The following SHANK2 variants were observed in gnomAD, a reference collection of about 807,000 sequenced individuals.
SHANK2 encodes SH3 and multiple ankyrin repeat domains protein 2.
SHANK2 carries 43 observed loss-of-function variants against 133.7 expected under a neutral mutation model. The ratio of observed to expected loss-of-function variants is 0.32; its 90% CI spans 0.25 to 0.41. The LOEUF is 0.41. Among genes scored for constraint, SHANK2 ranks in the 10% least tolerant of loss-of-function variants. The pLI is 1.00. For missense variants in SHANK2, 1,994 were observed against 2,235.8 expected (o/e 0.89, Z 2.18); for synonymous variants, 1,017 against 952.8 (o/e 1.07, Z -1.24).
At chr11:71,243,988 G>T (rs568718866) in intron 1 of SHANK2, among the ~76,000 whole-genome samples, 2 of 152,274 alleles carry the variant, frequency 1.3e-5, no homozygotes, top group Non-Finnish European at 2.9e-5. Context: ...GAAAAAAATG[G>T]AAGACAATGC....
At chr11:70,547,237 A>G (rs1487032346) in intron 17 of SHANK2, among the ~76,000 whole-genome samples, 3 of 152,128 alleles carry the variant, frequency 2.0e-5, no homozygotes, top group African/African-American at 7.2e-5. Flanking sequence ...CCCTACCGCA[A>G]TAGTCCTGGA....
chr11:71,156,361 A>T (rs1555109103), intron 2 of SHANK2, among the ~76,000 whole-genome samples: 1 of 152,218 alleles, frequency 6.6e-6, no homozygotes, highest in Admixed American at 6.5e-5. Flanking sequence ...CTCTGTTACC[A>T]GCCCTGCTGG....
intron 17 of SHANK2, among the ~76,000 whole-genome samples, chr11:70,621,995 C>T (rs1482577787): frequency 2.6e-5 from 4 of 152,194 alleles, no homozygotes; most frequent in African/African-American, 7.2e-5. Flanking sequence ...CACACGGTGC[C>T]GGGAGGTTCT....
Position 70,634,731 on chromosome 11 carries a change from C to T in SHANK2, c.2061+25097G>A, listed in dbSNP as rs544556259. 4.5e-4 allele frequency: 68 copies of T among 152,350 alleles called. 1 individual carries two copies. The South Asian group carries it at 0.01, about 23-fold the overall frequency. 9.4% of individuals were successfully genotyped at this position (152,350 alleles called of 1,614,324 possible). On this transcript the variant is annotated intron_variant, in intron 17 of 25. Coordinates refer to ENST00000601538, the MANE Select transcript of SHANK2 (RefSeq NM_012309.5). Reference sequence around the variant, plus strand: ...CAAAAATTAGCCAGGTGTGATGGCACGTCCCTGTAACCCCAGTTACTCGGG... The same window carrying T: ...CAAAAATTAGCCAGGTGTGATGGCATGTCCCTGTAACCCCAGTTACTCGGG...
At chr11:71,199,426 G>A (rs11232508) in intron 2 of SHANK2, among the ~76,000 whole-genome samples, 5,705 of 152,316 alleles carry the variant, frequency 0.037, 257 homozygotes, top group Admixed American at 0.15. Flanking sequence ...GTGACCTGCC[G>A]TAGAGGCAAT....
chr11:71,231,969 C>T (rs1057370820), intron 1 of SHANK2, among the ~76,000 whole-genome samples: 2 of 152,078 alleles, frequency 1.3e-5, no homozygotes, highest in South Asian at 2.1e-4. Context: ...CTGCAAACCA[C>T]CCAGATAGCC....
In SHANK2 at chr11:70,533,056, C is replaced by T. The variant is rs145749768; in HGVS notation, c.2062-30125G>A. 5.8e-3 allele frequency among the ~76,000 whole-genome samples: 888 copies of T among 152,176 alleles called. 7 individuals are homozygous for T. The highest frequency in any genetic ancestry group is 0.02 in the African/African-American group (848 of 41,492). ...ATGTCCAGAGTAGCCAAATTCACAG[C>T]GGCGGAAAGCAGACGTTGCCGGAGG... On this transcript the variant is annotated intron_variant, in intron 17 of 25. Coordinates refer to ENST00000601538, the MANE Select transcript of SHANK2 (RefSeq NM_012309.5).
chr11:70,953,283 A>T (rs1458272193), intron 10 of SHANK2, among the ~76,000 whole-genome samples: 1 of 151,806 alleles, frequency 6.6e-6, no homozygotes, highest in Admixed American at 6.6e-5. Flanking sequence ...CTCCAGAGGG[A>T]CAGAACTGAT....
intron 10 of SHANK2, among the ~76,000 whole-genome samples, chr11:70,951,312 T>G (rs1432588454): frequency 6.6e-6 from 1 of 150,978 alleles, no homozygotes; most frequent in African/African-American, 2.4e-5. Flanking sequence ...ACATCATAAA[T>G]TCATTTCCCC....
At chr11:71,102,724 G>C (rs2135173082) in intron 6 of SHANK2, among the ~76,000 whole-genome samples, 1 of 152,334 alleles carries the variant, frequency 6.6e-6, no homozygotes, top group Admixed American at 6.5e-5. Flanking sequence ...CTCATGCCAA[G>C]AGACCCCTGT....
chr11:70,797,721 C>T (rs782611036), intron 14 of SHANK2, among the ~76,000 whole-genome samples: 2 of 152,192 alleles, frequency 1.3e-5, no homozygotes, highest in Non-Finnish European at 2.9e-5. Flanking sequence ...TCCGTGGCCA[C>T]TTGACACGTG....
chr11:70,916,376 G>A (rs971964046), intron 10 of SHANK2, among the ~76,000 whole-genome samples: 8 of 151,840 alleles, frequency 5.3e-5, no homozygotes, highest in Admixed American at 2.0e-4. Flanking sequence ...TCGCCAACCC[G>A]GCTGGCCATC....
chr11:70,854,735 G>A (rs1236653275), intron 11 of SHANK2, among the ~76,000 whole-genome samples: 2 of 152,190 alleles, frequency 1.3e-5, no homozygotes, highest in African/African-American at 2.4e-5. Context: ...TCTCAATGGG[G>A]AGCCCAGGGA....
chr11:71,165,604 C>T (rs1185819727), intron 2 of SHANK2, among the ~76,000 whole-genome samples: 2 of 152,110 alleles, frequency 1.3e-5, no homozygotes, highest in African/African-American at 2.4e-5. Flanking sequence ...AACCCTACAG[C>T]GAGATCATTC....
intron 14 of SHANK2, among the ~76,000 whole-genome samples, chr11:70,709,743 G>A (rs1433048789): frequency 1.3e-5 from 2 of 152,130 alleles, no homozygotes; most frequent in Non-Finnish European, 2.9e-5. Flanking sequence ...AGGTACGCAA[G>A]TATCATGAGA....
Position 70,903,194 on chromosome 11 carries a change from C to T in SHANK2, c.1108-6627G>A, listed in dbSNP as rs768070625. 9.7e-4 allele frequency among the ~76,000 whole-genome samples: 147 copies of T among 151,940 alleles called. 1 individual carries two copies. Among genetic ancestry groups the T allele is most frequent in the Non-Finnish European group, 3.8e-4 (26 of 67,988 alleles). The stretch of plus-strand genomic sequence containing the variant: ...GAGTTCGAGACTAGCCTTCCCAACA[C>T]GGTGAATCCCCGTCTTTACTAAAAA... On this transcript the variant is annotated intron_variant, in intron 10 of 25. Transcript: ENST00000601538.
At chr11:70,556,393 TTCTCTC>T (rs1157375439) in intron 17 of SHANK2, among the ~76,000 whole-genome samples, 6 of 11,980 alleles carry the variant, frequency 5.0e-4, no homozygotes, top group East Asian at 2.7e-3. Context: ...CTTTCTTTCT[TTCTCTC>T]TCTCTCTCTC....
At chr11:70,481,834 A>G (rs1472211066) in intron 25 of SHANK2, among the ~76,000 whole-genome samples, 2 of 152,236 alleles carry the variant, frequency 1.3e-5, no homozygotes, top group Non-Finnish European at 1.5e-5. Context: ...CAGATGATCA[A>G]ATGCCCAGGG....
chr11:70,749,266 T>C (rs1259463606), intron 14 of SHANK2, among the ~76,000 whole-genome samples: 1 of 152,198 alleles, frequency 6.6e-6, no homozygotes, highest in Non-Finnish European at 1.5e-5. Context: ...TCCCCAGTTC[T>C]GGGTGTGCAT....
Sources: allele counts gnomAD v4.1 joint callset (sites outside exome capture counted in the v4.1 genomes callset), GRCh38; gene constraint gnomAD v4.1.1; transcripts MANE v1.5; gene names NCBI Gene and HGNC (gene_info 2026-07-23, HGNC 2026-07-21).